RBFOX1: variants seen among roughly 807,000 people sequenced by gnomAD.
The protein encoded by RBFOX1 is RNA binding fox-1 homolog 1.
RBFOX1 carries 8 observed loss-of-function variants against 57.7 expected under a neutral mutation model. The ratio of observed to expected loss-of-function variants is 0.14; its 90% CI spans 0.08 to 0.25. RBFOX1 has a LOEUF of 0.25. Ranked by LOEUF, RBFOX1 falls within the 10% of genes least tolerant of loss-of-function variation. The pLI is 1.00. For missense variants in RBFOX1, 611 were observed against 548.5 expected (o/e 1.11, Z -1.14); for synonymous variants, 326 against 222.4 (o/e 1.47, Z -4.15).
chr16:5,625,058 A>T (rs1211695068), intron 3 of RBFOX1, among the ~76,000 whole-genome samples: 1 of 152,204 alleles, frequency 6.6e-6, no homozygotes, highest in Non-Finnish European at 1.5e-5. Context: ...GATTCTATTT[A>T]AAATGGGATT....
intron 1 of RBFOX1, among the ~76,000 whole-genome samples, chr16:5,385,439 A>G (rs1373145344): frequency 5.9e-5 from 9 of 152,234 alleles, no homozygotes; most frequent in African/African-American, 2.2e-4. Flanking sequence ...TGGGACATGA[A>G]ACATGCACTT....
chr16:5,867,085 C>T (rs868039743), intron 3 of RBFOX1, among the ~76,000 whole-genome samples: 9 of 151,946 alleles, frequency 5.9e-5, no homozygotes, highest in African/African-American at 2.2e-4. Context: ...ACTAATTATC[C>T]TATTCACCTT....
chr16:7,664,168 A>G (rs931522676), intron 12 of RBFOX1, among the ~76,000 whole-genome samples: 2 of 152,242 alleles, frequency 1.3e-5, no homozygotes, highest in African/African-American at 4.8e-5. Context: ...ATACACATGC[A>G]TATATACATG....
intron 3 of RBFOX1, among the ~76,000 whole-genome samples, chr16:6,885,001 C>T (rs2063698716): frequency 6.6e-6 from 1 of 152,174 alleles, no homozygotes; most frequent in East Asian, 1.9e-4. Flanking sequence ...TGGTTGTTTT[C>T]ATTTCAATAA....
intron 3 of RBFOX1, among the ~76,000 whole-genome samples, chr16:6,859,187 A>ATATATGTATATATATG (rs1466625512): frequency 4.7e-5 from 3 of 64,010 alleles, no homozygotes; most frequent in African/African-American, 1.5e-4. Context: ...ATATATATGT[A>ATATATGTATATATATG]TATATATATG....
At chr16:7,148,972 C>G (rs1224554034) in intron 4 of RBFOX1, among the ~76,000 whole-genome samples, 3 of 152,216 alleles carry the variant, frequency 2.0e-5, no homozygotes, top group African/African-American at 7.2e-5. Context: ...GATAGGAAAC[C>G]TGAAGCCATA....
At chr16:6,064,440 G>A (rs180692189) in intron 1 of RBFOX1, among the ~76,000 whole-genome samples, 65 of 152,174 alleles carry the variant, frequency 4.3e-4, no homozygotes, top group Admixed American at 2.2e-3. Context: ...TATCTTTGGG[G>A]GGATACTTGA....
intron 1 of RBFOX1, among the ~76,000 whole-genome samples, chr16:5,416,923 G>A (rs375829339): frequency 1.3e-5 from 2 of 152,170 alleles, no homozygotes; most frequent in African/African-American, 4.8e-5. Context: ...CCTTCAGATG[G>A]AAACCAAGGG....
At chr16:5,261,091 G>C (rs1313220704) in intron 1 of RBFOX1, 1 of 152,150 alleles carries the variant, frequency 6.6e-6, no homozygotes, top group African/African-American at 2.4e-5. Flanking sequence ...TAAACAAGAA[G>C]TTATATATTT....
chr16:5,308,169 A>G (rs970678229), intron 1 of RBFOX1, among the ~76,000 whole-genome samples: 1 of 151,960 alleles, frequency 6.6e-6, no homozygotes, highest in African/African-American at 2.4e-5. Flanking sequence ...GTGAAGCCCC[A>G]TCTTTACTAA....
chr16:7,175,164 T>G (rs1043091304), intron 4 of RBFOX1, among the ~76,000 whole-genome samples: 2 of 152,122 alleles, frequency 1.3e-5, no homozygotes, highest in African/African-American at 4.8e-5. Flanking sequence ...AAGCCCAGCA[T>G]GCATTAGCTC....
intron 2 of RBFOX1, among the ~76,000 whole-genome samples, chr16:6,346,226 T>G (rs1203744418): frequency 6.6e-6 from 1 of 152,154 alleles, no homozygotes; most frequent in East Asian, 1.9e-4. Context: ...GTGCCAATAA[T>G]GAGCCCAAAA....
chr16:7,634,241 C>G (rs558360206), intron 11 of RBFOX1, among the ~76,000 whole-genome samples: 3 of 152,286 alleles, frequency 2.0e-5, no homozygotes, highest in East Asian at 1.9e-4. Context: ...TGTTTAACAG[C>G]TGTGCTCCTG....
chr16:5,542,244 A>ATT (rs5815254), intron 2 of RBFOX1, among the ~76,000 whole-genome samples: 124 of 122,556 alleles, frequency 1.0e-3, no homozygotes, highest in African/African-American at 1.4e-3. Context: ...ACAGGTATTG[A>ATT]TTTTTTTTTT....
intron 2 of RBFOX1, among the ~76,000 whole-genome samples, chr16:6,613,726 C>G (rs1209020196): frequency 2.0e-5 from 3 of 152,260 alleles, no homozygotes; most frequent in African/African-American, 4.8e-5. Context: ...CACTCGAGGC[C>G]AAGCGTTTGA....
chr16:7,705,571 G>A (rs770131267), intron 14 of RBFOX1, among the ~76,000 whole-genome samples: 1 of 152,104 alleles, frequency 6.6e-6, no homozygotes, highest in Non-Finnish European at 1.5e-5. Flanking sequence ...GGAAGATGAA[G>A]ATTGAAAGAG....
rs568831394 is a variant in RBFOX1, at chr16:6,700,540, C to G, written c.-16+45890C>G. 2.1e-3 allele frequency among the ~76,000 whole-genome samples: 324 copies of G among 152,184 alleles called. 3 individuals carry two copies. Among genetic ancestry groups the G allele is most frequent in the African/African-American group, 6.2e-3 (259 of 41,520 alleles). On this transcript the variant is annotated intron_variant, in intron 3 of 15. Coordinates refer to ENST00000550418, the MANE Select transcript of RBFOX1 (RefSeq NM_018723.4). The stretch of plus-strand genomic sequence containing the variant: ...GGGTGAGGTGGTGGGTGCCTGTAAT[C>G]TCAGCTATTCAGGAGGCTGAGGCAA...
rs571216912 is a variant in RBFOX1 at position 5,946,355 on chromosome 16, C to G, written c.351+79020C>G. On this transcript the variant is annotated intron_variant, in intron 4 of 19. Coordinates refer to the RBFOX1 transcript ENST00000641259. The surrounding 1 kb of genome is among the most constrained non-coding windows in gnomAD (Gnocchi z 4.6). Reference sequence around the variant, plus strand: ...AGTGTGTCTTCAATGATTTACTTCTCCATTCCTTTTCTTTTCGTTTGCTCA... The same window carrying G: ...AGTGTGTCTTCAATGATTTACTTCTGCATTCCTTTTCTTTTCGTTTGCTCA... 6.6e-6 allele frequency among the ~76,000 whole-genome samples: 1 copy of G among 152,290 alleles called. No individual in the cohort carries two copies. The highest frequency in any genetic ancestry group is 2.1e-4 in the South Asian group (1 of 4,820).
intron 3 of RBFOX1, among the ~76,000 whole-genome samples, chr16:6,665,872 A>G (rs2098729458): frequency 6.6e-6 from 1 of 151,956 alleles, no homozygotes; most frequent in African/African-American, 2.4e-5. Flanking sequence ...GAAAGAGGTG[A>G]TATGGTTTGA....
Sources: allele counts gnomAD v4.1 joint callset (sites outside exome capture counted in the v4.1 genomes callset), GRCh38; gene constraint gnomAD v4.1.1; non-coding constraint Gnocchi (gnomAD v3.1); transcripts MANE v1.5; gene names NCBI Gene and HGNC (gene_info 2026-07-23, HGNC 2026-07-21).